CORO1A: variants seen among roughly 807,000 people sequenced by gnomAD.
CORO1A encodes the protein coronin-1A.
Under a neutral mutation model 44.1 loss-of-function variants are expected in CORO1A, and 17 were observed. The observed-to-expected ratio is 0.39, with a 90% confidence interval of 0.26 to 0.58. CORO1A has a LOEUF of 0.58. Ranked by LOEUF, CORO1A falls within the 20% of genes least tolerant of loss-of-function variation. CORO1A has a pLI of 0.62. For missense variants in CORO1A, 415 were observed against 606.5 expected (o/e 0.68, Z 3.32); for synonymous variants, 271 against 244.2 (o/e 1.11, Z -1.02).
At chr16:30,186,748 G>C (rs376577324) in intron 3 of CORO1A, 28 bp downstream of exon 3, 2 of 1,610,186 alleles carry the variant, frequency 1.2e-6, no homozygotes, top group African/African-American at 2.7e-5. Flanking sequence ...CCCAGGGGCT[G>C]GGAGAGGGGC....
intron 2 of CORO1A, 68 bp from the exon 3 acceptor site, chr16:30,186,529 AG>A: frequency 1.3e-6 from 2 of 1,593,188 alleles, no homozygotes; most frequent in Non-Finnish European, 1.7e-6. Flanking sequence ...GCCTCTCTGA[AG>A]GAGGTGTGGG....
chr16:30,189,018 C>T lies in CORO1A; in HGVS notation c.*54C>T, dbSNP rs2073384660. 6.8e-6 allele frequency: 1 copy of T among 147,498 alleles called. No individual in the cohort carries two copies. Among genetic ancestry groups the T allele is most frequent in the Admixed American group, 1.6e-4 (1 of 6,392 alleles). 9.1% of individuals were successfully genotyped at this position (147,498 alleles called of 1,614,324 possible). A position where few individuals can be genotyped will look rare whatever the true frequency, so the allele number is the denominator to read the frequency against. ...CCATTCACACCCATCCACTCACCTCCCATTCCCAGCCACATGGCAGAGAAA... is the reference window on the plus strand; with the variant it reads ...CCATTCACACCCATCCACTCACCTCTCATTCCCAGCCACATGGCAGAGAAA... On this transcript the variant is annotated 3_prime_UTR_variant, in exon 11 of 11. Transcript: ENST00000219150.
chr16:30,188,320 G>C, intron 9 of CORO1A, 41 bp from the exon 10 acceptor site: 7 of 1,612,352 alleles, frequency 4.3e-6, no homozygotes, highest in Non-Finnish European at 5.9e-6. Flanking sequence ...GGGGTGTCCT[G>C]GCATAAGCGC....
chr16:30,187,400 G>T lies in CORO1A; in HGVS notation c.655G>T (p.Glu219Ter). ...CTTGCAGGAGAAGGACCGTCCCCAC[G>T]AGGGGACCCGGCCCGTGCGTGCAGT... Reference protein sequence around the residue: ...TVVAEKDRPHEGTRPVRAVFV... With the variant: ...TVVAEKDRPH Residue 219 changes from glutamate (E) to a stop codon, truncating the protein, a stop_gained, in exon 6 of 11, where the codon GAG (glutamate) becomes TAG (stop). Coordinates refer to ENST00000219150, the MANE Select transcript of CORO1A (RefSeq NM_007074.4). LOFTEE classifies it high-confidence loss of function. The T allele has an allele frequency of 6.2e-7, 1 of 1,611,074 alleles. No homozygotes were observed.
rs1349604315 is a variant in CORO1A at position 30,188,971 on chromosome 16, G to A, written c.*7G>A. 9.3e-5 allele frequency: 21 copies of A among 225,080 alleles called. 1 individual carries two copies. Among genetic ancestry groups the A allele is most frequent in the South Asian group, 4.7e-4 (18 of 37,930 alleles). The allele number at this position is 225,080 out of a possible 1,614,324, so 13.9% of individuals were successfully genotyped here. A position where few individuals can be genotyped will look rare whatever the true frequency, so the allele number is the denominator to read the frequency against. Reference sequence around the variant, plus strand: ...GACAGTCCAGGCCAAGTAGAGCCCCGCAGGGCCTCCAGCAGGGTCAGCCAT... The same window carrying A: ...GACAGTCCAGGCCAAGTAGAGCCCCACAGGGCCTCCAGCAGGGTCAGCCAT... On this transcript the variant is annotated 3_prime_UTR_variant, in exon 11 of 11. Coordinates refer to ENST00000219150, the MANE Select transcript of CORO1A (RefSeq NM_007074.4).
At position 30,187,976 on chromosome 16, in the gene CORO1A, C is replaced by G. The variant is rs1596920829; in HGVS notation, c.896C>G (p.Ser299Cys). ...DSSIRYFEIT[S>C]EAPFLHYLSM... ...TCAATCCGGTACTTTGAGATCACTT[C>G]CGAGGCCCCTTTCCTGCACTATCTC... Residue 299 changes from serine to cysteine, a missense_variant, in exon 8 of 11, where the codon TCC (serine) becomes TGC (cysteine). By Grantham distance (112) the Ser-to-Cys change is moderately radical. Coordinates refer to ENST00000219150, the MANE Select transcript of CORO1A (RefSeq NM_007074.4). 6.2e-7 allele frequency: 1 copy of G among 1,614,076 alleles called. No homozygotes were observed. Among genetic ancestry groups the G allele is most frequent in the Non-Finnish European group, 8.5e-7 (1 of 1,180,008 alleles).
chr16:30,186,224 C>A (rs1356383682), intron 2 of CORO1A: 2 of 331,230 alleles, frequency 6.0e-6, no homozygotes, highest in Non-Finnish European at 1.2e-5. Flanking sequence ...GCTGCCTCCA[C>A]CCCCCCAGCC....
intron 6 of CORO1A, 109 bp downstream of exon 6, chr16:30,187,610 C>G: frequency 6.6e-7 from 1 of 1,506,128 alleles, no homozygotes; most frequent in Non-Finnish European, 9.0e-7. Flanking sequence ...CCTCAGTTTA[C>G]CCAGGCGTGA....
chr16:30,184,990 G>A lies in CORO1A; in HGVS notation c.-1-219G>A. ...GTACAGATTGAGAGGGTGGCTCAGA[G>A]TGGCCTGGGGCCAGGGAGAAGGGGG... On this transcript the variant is annotated intron_variant, in intron 1 of 10. Transcript: ENST00000219150. The surrounding 1 kb of genome is among the most constrained non-coding windows in gnomAD (Gnocchi z 4.3). The A allele has an allele frequency of 3.2e-6, 2 of 620,276 alleles. No homozygotes were observed. Among genetic ancestry groups the A allele is most frequent in the South Asian group, 3.7e-5 (2 of 54,024 alleles). 38.4% of individuals were successfully genotyped at this position (620,276 alleles called of 1,614,324 possible). A position where few individuals can be genotyped will look rare whatever the true frequency, so the allele number is the denominator to read the frequency against.
rs753411260 is a variant in CORO1A, at chr16:30,186,595, T to C, written c.199-3T>C. The C allele has an allele frequency of 6.2e-7, 1 of 1,612,294 alleles. No homozygotes were observed. Among genetic ancestry groups the C allele is most frequent in the South Asian group, 1.1e-5 (1 of 91,000 alleles). ...CACCTCCAAGGCCCTGCTGTGCCTT[T>C]AGACTGGACGTGTGGACAAGAATGC... On this transcript the variant is annotated splice_region_variant and splice_polypyrimidine_tract_variant and intron_variant, in intron 2 of 10. Coordinates refer to ENST00000219150, the MANE Select transcript of CORO1A (RefSeq NM_007074.4).
intron 2 of CORO1A, chr16:30,185,942 G>A (rs531203501): frequency 1.0e-5 from 2 of 197,620 alleles, no homozygotes; most frequent in Non-Finnish European, 2.1e-5. Flanking sequence ...CTCTTTGGGG[G>A]GTAAGACAGG....
In CORO1A at chr16:30,187,616, C is replaced by T. The variant is rs769683287; in HGVS notation, c.757-109C>T. ...GGCCATGGGCCTCAGTTTACCCAGG[C>T]GTGAGATGGTTGTTCCCACTGGTTG... On this transcript the variant is annotated intron_variant, in intron 6 of 10. Transcript: ENST00000219150. 1.6e-4 allele frequency: 235 copies of T among 1,494,896 alleles called. No homozygotes were observed. Among genetic ancestry groups the T allele is most frequent in the Middle Eastern group, 3.4e-4 (2 of 5,910 alleles). The allele number at this position is 1,494,896 out of a possible 1,614,324, so 92.6% of individuals were successfully genotyped here.
In CORO1A at chr16:30,186,859, A is replaced by G. The variant is rs2151062494; in HGVS notation, c.365A>G (p.Glu122Gly). Residue 122 changes from glutamate (E) to glycine (G), a missense_variant, in exon 4 of 11, where the codon GAG becomes GGG. Transcript: ENST00000219150. ...PDGGLMLPLR[E>G]PVVTLEGHTK... ...GGGGGCCTGATGCTGCCCCTGCGGG[A>G]GCCCGTCGTCACCCTGGAGGGCCAC... 3 of 1,611,842 alleles carry G rather than the reference A, an allele frequency of 1.9e-6. No individual in the cohort carries two copies. The highest frequency in any genetic ancestry group is 1.3e-5 in the African/African-American group (1 of 75,014).
rs200317965 is a variant in CORO1A at position 30,186,582 on chromosome 16, C to T, written c.199-16C>T. 6.2e-7 allele frequency: 1 copy of T among 1,611,978 alleles called. No homozygotes were observed. The highest frequency in any genetic ancestry group is 8.5e-7 in the Non-Finnish European group (1 of 1,179,932). On this transcript the variant is annotated splice_polypyrimidine_tract_variant and intron_variant, in intron 2 of 10. Coordinates refer to ENST00000219150, the MANE Select transcript of CORO1A (RefSeq NM_007074.4). Reference sequence around the variant, plus strand: ...TGGGAGGCAAAAGCACCTCCAAGGCCCTGCTGTGCCTTTAGACTGGACGTG... The same window carrying T: ...TGGGAGGCAAAAGCACCTCCAAGGCTCTGCTGTGCCTTTAGACTGGACGTG...
At position 30,187,843 on chromosome 16, in the gene CORO1A, G is replaced by A. The variant is rs2151063106; in HGVS notation, c.861+14G>A. On this transcript the variant is annotated intron_variant, in intron 7 of 10. Coordinates refer to ENST00000219150, the MANE Select transcript of CORO1A (RefSeq NM_007074.4). ...CTCTGTGGCAAGGTGGCCTCGTCGG[G>A]CGGGGTGGGGGTGGGAGGTGGGCAG... The A allele has an allele frequency of 2.5e-6, 4 of 1,577,228 alleles. No individual in the cohort carries two copies. The highest frequency in any genetic ancestry group is 3.5e-6 in the Non-Finnish European group (4 of 1,148,986).
chr16:30,184,809 A>G lies in CORO1A; in HGVS notation c.-1-400A>G. 3.0e-6 allele frequency: 1 copy of G among 328,598 alleles called. No individual in the cohort carries two copies. The allele number at this position is 328,598 out of a possible 1,614,324, so 20.4% of individuals were successfully genotyped here. On this transcript the variant is annotated intron_variant, in intron 1 of 10. Transcript: ENST00000219150. This position sits in a 1 kb window ranked among gnomAD's most constrained non-coding sequence, Gnocchi z 4.3. ...GGTGTGAGGGAGGTGGGCTCTGGAC[A>G]CGGTAACTAAGAGAGAACCCACCCT...
intron 4 of CORO1A, 25 bp from the exon 5 acceptor site, chr16:30,187,014 T>C: frequency 6.2e-7 from 1 of 1,613,748 alleles, no homozygotes; most frequent in Middle Eastern, 1.6e-4. Flanking sequence ...GGCTCATGGC[T>C]TCTGACACTG....
rs1373410614 is a variant in CORO1A at position 30,185,416 on chromosome 16, C to T, written c.198+9C>T. On this transcript the variant is annotated intron_variant, in intron 2 of 10. Coordinates refer to ENST00000219150, the MANE Select transcript of CORO1A (RefSeq NM_007074.4). ...TGCTGCCCCTGGGCAAGGTGAGCCC[C>T]TGGGGCCCTGGGGGGAGCAGCTCCT... is the stretch of plus-strand genomic sequence containing the variant. 1 of 1,611,136 alleles carries T rather than the reference C, an allele frequency of 6.2e-7. No individual in the cohort carries two copies. The highest frequency in any genetic ancestry group is 8.5e-7 in the Non-Finnish European group (1 of 1,179,344).
Position 30,188,490 on chromosome 16 carries a change from C to A in CORO1A, c.1195C>A (p.Pro399Thr). ...CTCCCTCAAGGATGGCTACGTACCC[C>A]CAAAGAGCCGGGAGCTGAGGGTCAA... ...LISLKDGYVP[P>T]KSRELRVNRG... Residue 399 changes from proline to threonine, a missense_variant, in exon 10 of 11, where the codon CCA becomes ACA. By Grantham distance (38) the Pro-to-Thr change is conservative (BLOSUM62 -1). Transcript: ENST00000219150. 6.2e-7 allele frequency: 1 copy of A among 1,613,236 alleles called. No homozygotes were observed. The highest frequency in any genetic ancestry group is 8.5e-7 in the Non-Finnish European group (1 of 1,179,986).
Sources: allele counts gnomAD v4.1 joint callset, GRCh38; gene constraint gnomAD v4.1.1; non-coding constraint Gnocchi (gnomAD v3.1); transcripts MANE v1.5; gene names NCBI Gene and HGNC (gene_info 2026-07-23, HGNC 2026-07-21).